The following MYH11 variants were observed in gnomAD, a reference collection of about 807,000 sequenced individuals.
MYH11 encodes the protein myosin heavy chain 11.
Under a neutral mutation model 246.6 loss-of-function variants are expected in MYH11, and 80 were observed. The observed-to-expected ratio is 0.32, with a 90% confidence interval of 0.27 to 0.39. The LOEUF is 0.39. Among genes scored for constraint, MYH11 ranks in the 10% least tolerant of loss-of-function variants. The probability of loss-of-function intolerance (pLI) is 1.00; values close to 1 mark genes in which losing one functional copy is unlikely to be tolerated. For synonymous variants in MYH11, 1,071 were observed against 1,015.5 expected, an observed-to-expected ratio of 1.05 and a Z score of -1.04; for missense variants, 2,158 against 2,546.8, an observed-to-expected ratio of 0.85 and a Z score of 3.29.
Position 15,745,175 on chromosome 16 carries a change from G to A in MYH11, c.2474C>T (p.Ala825Val). 1 of 1,614,166 alleles carries A rather than the reference G, an allele frequency of 6.2e-7. No homozygotes were observed. Among genetic ancestry groups the A allele is most frequent in the Non-Finnish European group, 8.5e-7 (1 of 1,180,034 alleles). Residue 825 changes from alanine to valine, a missense_variant, in exon 20 of 41, where the codon GCC (alanine) becomes GTC (valine). By Grantham distance (64) the Ala-to-Val change is moderately conservative. Transcript: ENST00000300036. Reference sequence around the variant, plus strand: ...CTGCCAGTTCCGCAGCTTGAGGTAGGCGGCGCAGTTCCTCTGAATCACCTT... The same window carrying A: ...CTGCCAGTTCCGCAGCTTGAGGTAGACGGCGCAGTTCCTCTGAATCACCTT... ...AMKVIQRNCA[A>V]YLKLRNWQWW...
chr16:15,768,384 G>A (rs763842096), intron 9 of MYH11, among the ~76,000 whole-genome samples: 1 of 151,958 alleles, frequency 6.6e-6, no homozygotes, highest in African/African-American at 2.4e-5. Context: ...AACCCAATGT[G>A]GTGGGGAAAA....
At chr16:15,745,258 G>A in intron 19 of MYH11, 21 bp from the exon 20 acceptor site, 1 of 1,578,396 alleles carries the variant, frequency 6.3e-7, no homozygotes, top group Non-Finnish European at 8.7e-7. Context: ...GGGAAGAGAA[G>A]GTGCGGGGGT....
intron 36 of MYH11, chr16:15,718,815 C>T (rs1414686801): frequency 2.5e-5 from 10 of 407,992 alleles, no homozygotes; most frequent in Non-Finnish European, 3.7e-5. Context: ...GAGGACGCTT[C>T]GTCAGCAGCA....
intron 1 of MYH11, among the ~76,000 whole-genome samples, chr16:15,840,426 T>C (rs1383777692): frequency 6.6e-6 from 1 of 152,062 alleles, no homozygotes; most frequent in Non-Finnish European, 1.5e-5. Context: ...ACATTATATG[T>C]ATTAATATCA....
intron 15 of MYH11, among the ~76,000 whole-genome samples, chr16:15,751,461 C>CCATCATCATCATCATAATCAT (rs1567727987): frequency 8.0e-5 from 12 of 150,234 alleles, no homozygotes; most frequent in Non-Finnish European, 1.5e-4. Flanking sequence ...CCGCGCCCGG[C>CCATCATCATCATCATAATCAT]CATCATCATC....
At position 15,740,086 on chromosome 16, in the gene MYH11, G is replaced by C; in HGVS notation, c.2962C>G (p.Leu988Val). The change falls in exon 23 of 41, where the codon CTG (leucine) becomes GTG (valine). Residue 988 changes from leucine (L) to valine (V), a missense_variant. Around this residue, in one of 11 missense-constraint regions of MYH11, gnomAD observed 284 missense variants for 315.4 expected, o/e 0.90. Transcript: ENST00000300036. ...TTATTGTTCTGATCATCCATGACCA[G>C]GATCTCATCCTCCAGTTTCTTGATC... Reference protein sequence around the residue: ...AKIKKLEDEILVMDDQNNKLS... With the variant: ...AKIKKLEDEIVVMDDQNNKLS... The C allele has an allele frequency of 6.2e-7, 1 of 1,614,156 alleles. No homozygotes were observed. The highest frequency in any genetic ancestry group is 1.3e-5 in the African/African-American group (1 of 75,052).
intron 2 of MYH11, among the ~76,000 whole-genome samples, chr16:15,827,838 T>C (rs1878344205): frequency 6.6e-6 from 1 of 152,138 alleles, no homozygotes; most frequent in Admixed American, 6.5e-5. Flanking sequence ...CCAGGGGCTA[T>C]TTCCTGTTCA....
chr16:15,821,723 C>G (rs1158004503), intron 3 of MYH11, among the ~76,000 whole-genome samples: 1 of 147,128 alleles, frequency 6.8e-6, no homozygotes, highest in Non-Finnish European at 1.5e-5. Context: ...TCGAGACCAT[C>G]CTGGCTAACA....
At chr16:15,811,973 C>G (rs1294948364) in intron 3 of MYH11, among the ~76,000 whole-genome samples, 1 of 152,186 alleles carries the variant, frequency 6.6e-6, no homozygotes, top group Non-Finnish European at 1.5e-5. Flanking sequence ...CATGGAGGGG[C>G]TCCAAAGTGG....
intron 27 of MYH11, among the ~76,000 whole-genome samples, chr16:15,730,993 CTTT>C (rs879882000): frequency 6.8e-6 from 1 of 146,526 alleles, no homozygotes; most frequent in Admixed American, 6.8e-5. Flanking sequence ...TTCCTCCAGT[CTTT>C]TTTTTTTTTA....
chr16:15,781,442 A>G (rs1009638059), intron 6 of MYH11, among the ~76,000 whole-genome samples: 10 of 152,194 alleles, frequency 6.6e-5, no homozygotes, highest in African/African-American at 2.4e-4. Flanking sequence ...GCTTTCTGCA[A>G]AGAGTCTTTC....
At chr16:15,816,644 C>T (rs1471329634) in intron 3 of MYH11, among the ~76,000 whole-genome samples, 4 of 151,838 alleles carry the variant, frequency 2.6e-5, no homozygotes, top group South Asian at 2.1e-4. Flanking sequence ...TGTGTTGGAA[C>T]GAGGAAATAG....
chr16:15,713,422 CAG>C (rs959844629), intron 40 of MYH11: 3 of 152,120 alleles, frequency 2.0e-5, no homozygotes, highest in African/African-American at 7.2e-5. Context: ...TGAAAAGCAG[CAG>C]AGAGTGAGAA....
chr16:15,796,163 C>T (rs1017032986), intron 4 of MYH11, among the ~76,000 whole-genome samples: 49 of 152,238 alleles, frequency 3.2e-4, no homozygotes, highest in Admixed American at 1.6e-3. Context: ...ATCATACCGT[C>T]CAAGGCAGGA....
At chr16:15,720,031 T>G (rs2040382724) in intron 34 of MYH11, 120 bp downstream of exon 34, 1 of 1,383,398 alleles carries the variant, frequency 7.2e-7, no homozygotes, top group African/African-American at 1.4e-5. Flanking sequence ...AAACCCCAGC[T>G]GAACCCACAC....
intron 1 of MYH11, among the ~76,000 whole-genome samples, chr16:15,845,420 T>C (rs1293630309): frequency 3.3e-5 from 5 of 151,884 alleles, no homozygotes; most frequent in Non-Finnish European, 5.9e-5. Context: ...ACACCCCTGA[T>C]CTACACCAAG....
intron 1 of MYH11, among the ~76,000 whole-genome samples, chr16:15,848,119 T>G (rs1425265335): frequency 6.6e-6 from 1 of 152,176 alleles, no homozygotes; most frequent in African/African-American, 2.4e-5. Context: ...AGCCACAGAT[T>G]TGCCAAATGT....
intron 27 of MYH11, among the ~76,000 whole-genome samples, chr16:15,727,350 G>A (rs575986356): frequency 3.9e-5 from 6 of 151,974 alleles, no homozygotes; most frequent in Non-Finnish European, 5.9e-5. Context: ...ACAGGCGCCC[G>A]CCACCATGCC....
rs938366838 is a variant in MYH11 at position 15,829,970 on chromosome 16, A to G, written c.346-6559T>C. The stretch of plus-strand genomic sequence containing the variant: ...GCCAACACAGTGAAACCTCATCTCT[A>G]CTAAAAATACAAAAATTAGCAAGGT... On this transcript the variant is annotated intron_variant, in intron 2 of 40. Transcript: ENST00000300036. Among the ~76,000 whole-genome samples the G allele has an allele frequency of 5.3e-5, 8 of 152,138 alleles. No individual in the cohort carries two copies. The East Asian group carries it at 1.5e-3, about 29-fold the overall frequency.
Sources: allele counts gnomAD v4.1 joint callset (sites outside exome capture counted in the v4.1 genomes callset), GRCh38; gene constraint gnomAD v4.1.1; regional missense constraint gnomAD v4.1.1; transcripts MANE v1.5; gene names NCBI Gene and HGNC (gene_info 2026-07-23, HGNC 2026-07-21).